AFG2A: variants seen among roughly 807,000 people sequenced by gnomAD.
AFG2A encodes AAA ATPase AFG2A.
chr4:122,957,473 T>C, the AFG2A span, among the ~76,000 whole-genome samples: 1 of 152,250 alleles, frequency 6.6e-6, no homozygotes, highest in Admixed American at 6.5e-5. Context: ...CCAAGTGCTA[T>C]AGAATAGGCA....
At chr4:122,931,520 T>C in the AFG2A span, among the ~76,000 whole-genome samples, 2 of 152,118 alleles carry the variant, frequency 1.3e-5, no homozygotes, top group Non-Finnish European at 2.9e-5. Flanking sequence ...TATATATACA[T>C]ACACACACAT....
the AFG2A span, among the ~76,000 whole-genome samples, chr4:123,245,798 A>G: frequency 5.3e-5 from 8 of 152,206 alleles, no homozygotes; most frequent in Non-Finnish European, 1.2e-4. Flanking sequence ...ATACAAATAT[A>G]CGCTAACATG....
the AFG2A span, among the ~76,000 whole-genome samples, chr4:123,272,913 A>G: frequency 6.6e-6 from 1 of 152,146 alleles, no homozygotes; most frequent in African/African-American, 2.4e-5. Flanking sequence ...TAGGTTGAAG[A>G]GGGAGAGTCA....
At chr4:123,026,379 G>C in the AFG2A span, among the ~76,000 whole-genome samples, 1 of 152,120 alleles carries the variant, frequency 6.6e-6, no homozygotes, top group African/African-American at 2.4e-5. Flanking sequence ...TCCTTCAGCT[G>C]TACACATTTT....
At chr4:123,052,526 G>A in the AFG2A span, among the ~76,000 whole-genome samples, 2 of 152,104 alleles carry the variant, frequency 1.3e-5, no homozygotes, top group African/African-American at 4.8e-5. Context: ...GGCTGTCTGT[G>A]CATTGAGGGA....
the AFG2A span, among the ~76,000 whole-genome samples, chr4:122,958,570 CATT>C: frequency 1.3e-5 from 2 of 152,208 alleles, no homozygotes; most frequent in Non-Finnish European, 2.9e-5. Flanking sequence ...GAGTCTTAAA[CATT>C]ATTATATGAG....
chr4:123,014,452 A>G, the AFG2A span, among the ~76,000 whole-genome samples: 1 of 152,146 alleles, frequency 6.6e-6, no homozygotes, highest in Non-Finnish European at 1.5e-5. Flanking sequence ...TTAAAAGCTC[A>G]TTGTGTAAAT....
the AFG2A span, among the ~76,000 whole-genome samples, chr4:123,294,487 T>G: frequency 2.0e-5 from 3 of 152,208 alleles, no homozygotes; most frequent in Non-Finnish European, 4.4e-5. Context: ...TTGTAATTTC[T>G]AAGTATTCAC....
At chr4:123,140,765 T>C in the AFG2A span, among the ~76,000 whole-genome samples, 2 of 152,160 alleles carry the variant, frequency 1.3e-5, no homozygotes, top group African/African-American at 2.4e-5. Context: ...TGGAGTTTAC[T>C]GAAAACAAAT....
chr4:122,995,323 T>G, the AFG2A span, among the ~76,000 whole-genome samples: 1 of 152,268 alleles, frequency 6.6e-6, no homozygotes, highest in Admixed American at 6.5e-5. Flanking sequence ...TTTGATTTGC[T>G]TCTTGTTGTC....
chr4:123,295,035 A>T, the AFG2A span, among the ~76,000 whole-genome samples: 30 of 152,312 alleles, frequency 2.0e-4, no homozygotes, highest in African/African-American at 7.2e-4. Context: ...ACACTTTAGA[A>T]GCAGTGTCTG....
chr4:123,300,068 T>C, the AFG2A span, among the ~76,000 whole-genome samples: 1 of 152,196 alleles, frequency 6.6e-6, no homozygotes, highest in East Asian at 1.9e-4. Flanking sequence ...AATCTTTCTT[T>C]AGGAGACTTT....
chr4:122,939,492 A>G, the AFG2A span, among the ~76,000 whole-genome samples: 1 of 152,218 alleles, frequency 6.6e-6, no homozygotes. Context: ...CCTGACATCC[A>G]TTAATTAGAA....
the AFG2A span, among the ~76,000 whole-genome samples, chr4:123,118,329 A>AATTATATTATATATG: frequency 1.6e-5 from 1 of 64,180 alleles, no homozygotes. Flanking sequence ...TATTATATAT[A>AATTATATTATATATG]ATATATATAT....
At chr4:123,203,035 A>G in the AFG2A span, among the ~76,000 whole-genome samples, 1 of 152,154 alleles carries the variant, frequency 6.6e-6, no homozygotes, top group East Asian at 1.9e-4. Context: ...AAGTAAATAC[A>G]TAAATCAAAA....
the AFG2A span, among the ~76,000 whole-genome samples, chr4:123,055,919 G>T: frequency 6.2e-4 from 95 of 152,308 alleles, no homozygotes; most frequent in East Asian, 0.017. Flanking sequence ...AAGAAAGTCT[G>T]CTGTGTTTCT....
chr4:123,034,879 A>G, the AFG2A span, among the ~76,000 whole-genome samples: 9 of 152,334 alleles, frequency 5.9e-5, no homozygotes, highest in East Asian at 9.6e-4. Context: ...TTAAAAGGCT[A>G]ACTCTGAGTT....
chr4:123,236,856 G>A, the AFG2A span, among the ~76,000 whole-genome samples: 1 of 152,188 alleles, frequency 6.6e-6, no homozygotes, highest in Non-Finnish European at 1.5e-5. Context: ...TTCTAGATGA[G>A]CAGATAAGCC....
At chr4:123,127,442 T>G in the AFG2A span, among the ~76,000 whole-genome samples, 1 of 152,188 alleles carries the variant, frequency 6.6e-6, no homozygotes, top group Admixed American at 6.5e-5. Context: ...TTTTTCTGCT[T>G]AGGACACAAG....
Sources: gnomAD v4.1 joint callset for allele counts (sites outside exome capture counted in the v4.1 genomes callset) on GRCh38, gnomAD v4.1.1 for gene constraint, MANE v1.5 for transcripts, NCBI Gene and HGNC (gene_info 2026-07-23, HGNC 2026-07-21) for gene names.